Variants in CES5A observed in about 807,000 individuals in gnomAD.
The protein encoded by CES5A is carboxylesterase 5A.
In CES5A, 67 loss-of-function variants were observed where a neutral mutation model predicts 62.9. The ratio of observed to expected loss-of-function variants is 1.07; its 90% CI spans 0.88 to 1.31. The LOEUF (loss-of-function observed/expected upper bound fraction) is 1.31. Among genes scored for constraint, CES5A ranks in the 50% most tolerant of loss-of-function variants. The pLI is 0.00. For synonymous variants in CES5A, 296 were observed against 280.8 expected, an observed-to-expected ratio of 1.05 and a Z score of -0.54; for missense variants, 748 against 708.5, an observed-to-expected ratio of 1.06 and a Z score of -0.63.
chr16:55,889,324 G>A (rs2033849766), intron 1 of CES5A, among the ~76,000 whole-genome samples: 2 of 152,010 alleles, frequency 1.3e-5, no homozygotes, highest in South Asian at 2.1e-4. Flanking sequence ...CACAGGTTGG[G>A]GGCTCAGTCC....
chr16:55,861,554 T>G (rs539249683), intron 6 of CES5A, 38 bp from the exon 7 acceptor site: 2 of 1,426,348 alleles, frequency 1.4e-6, no homozygotes, highest in African/African-American at 2.8e-5. Context: ...AGCATGATAT[T>G]GAAAGCATCT....
chr16:55,880,895 T>C (rs917006790), intron 1 of CES5A, among the ~76,000 whole-genome samples: 3 of 152,182 alleles, frequency 2.0e-5, no homozygotes, highest in Non-Finnish European at 2.9e-5. Context: ...CCTGGAACCA[T>C]AGTTTGACTA....
intron 1 of CES5A, among the ~76,000 whole-genome samples, chr16:55,881,548 A>G (rs2033762086): frequency 2.6e-5 from 4 of 152,226 alleles, no homozygotes; most frequent in African/African-American, 9.6e-5. Context: ...GGACCCATGA[A>G]GCAGGGACAT....
At chr16:55,911,171 C>T (rs2034088515) in intron 1 of CES5A, among the ~76,000 whole-genome samples, 1 of 152,182 alleles carries the variant, frequency 6.6e-6, no homozygotes, top group Admixed American at 6.5e-5. Context: ...TGCTCTGCCC[C>T]AGCCCCCACA....
At chr16:55,886,543 C>T (rs1180901080) in intron 1 of CES5A, among the ~76,000 whole-genome samples, 1 of 152,216 alleles carries the variant, frequency 6.6e-6, no homozygotes, top group Non-Finnish European at 1.5e-5. Context: ...GCTATGGTGG[C>T]TAAGCATGGG....
chr16:55,846,241 A>G lies in CES5A; in HGVS notation c.*210T>C. ...GGCCAGCCCTCTTCCAAATTTATTG[A>G]AGAAATCTTGTTGCCTTCCAAGACA... is the stretch of plus-strand genomic sequence containing the variant. On this transcript the variant is annotated 3_prime_UTR_variant, in exon 13 of 13. Transcript: ENST00000290567. The G allele has an allele frequency of 1.7e-6, 1 of 588,732 alleles. No homozygotes were observed. Among genetic ancestry groups the G allele is most frequent in the Non-Finnish European group, 3.0e-6 (1 of 332,526 alleles). 36.5% of individuals were successfully genotyped at this position (588,732 alleles called of 1,614,324 possible).
At chr16:55,886,569 G>A (rs373495282) in intron 1 of CES5A, among the ~76,000 whole-genome samples, 1 of 152,176 alleles carries the variant, frequency 6.6e-6, no homozygotes, top group Non-Finnish European at 1.5e-5. Flanking sequence ...ATTCACCAAG[G>A]CTGATCTTGG....
intron 2 of CES5A, among the ~76,000 whole-genome samples, chr16:55,948,472 G>A (rs2034520781): frequency 6.6e-6 from 1 of 152,118 alleles, no homozygotes; most frequent in East Asian, 1.9e-4. Flanking sequence ...GGTGGAAGGG[G>A]GGTAAAATTT....
chr16:55,855,064 C>T (rs375995624), intron 9 of CES5A, among the ~76,000 whole-genome samples: 1 of 152,196 alleles, frequency 6.6e-6, no homozygotes, highest in African/African-American at 2.4e-5. Flanking sequence ...ATTAATCCTC[C>T]AAATCCTTCT....
rs1379656074 is a variant in CES5A, at chr16:55,913,267, A to G, written c.-256+12056T>C. Among the ~76,000 whole-genome samples, 9 of 151,544 alleles carry G rather than the reference A, an allele frequency of 5.9e-5. No individual in the cohort carries two copies. In the South Asian group the frequency reaches 1.7e-3, roughly 28 times the overall value. Reference sequence around the variant, plus strand: ...CTTGCTGTCTTCTGTTCCTGGGTGCAATGGCAGAACTGGTTGAGCCAGATT... The same window carrying G: ...CTTGCTGTCTTCTGTTCCTGGGTGCGATGGCAGAACTGGTTGAGCCAGATT... On this transcript the variant is annotated intron_variant, in intron 1 of 12. Transcript: ENST00000518005.
intron 2 of CES5A, among the ~76,000 whole-genome samples, chr16:55,931,341 T>G (rs1041943930): frequency 6.6e-6 from 1 of 152,218 alleles, no homozygotes; most frequent in South Asian, 2.1e-4. Context: ...GCAAGATCCT[T>G]TAACCAAAGG....
chr16:55,901,467 A>G lies in CES5A; in HGVS notation c.-256+23856T>C, dbSNP rs201378001. The stretch of plus-strand genomic sequence containing the variant: ...ATGTTTGTTTTGTTTTTAAAGCTTC[A>G]CACTATAAAGTTAAAATAAAGCCCC... On this transcript the variant is annotated intron_variant, in intron 1 of 12. Coordinates refer to the CES5A transcript ENST00000518005. Among the ~76,000 whole-genome samples, 10 of 152,324 alleles carry G rather than the reference A, an allele frequency of 6.6e-5. No homozygotes were observed. In the East Asian group the frequency reaches 1.7e-3, roughly 26 times the overall value.
intron 5 of CES5A, among the ~76,000 whole-genome samples, chr16:55,864,297 G>A (rs1179560899): frequency 2.0e-5 from 3 of 152,168 alleles, no homozygotes; most frequent in Admixed American, 6.5e-5. Context: ...GTGCTATTCA[G>A]CAGAAGCTCT....
chr16:55,951,697 A>AG (rs1324938378), intron 1 of CES5A, among the ~76,000 whole-genome samples: 61 of 152,328 alleles, frequency 4.0e-4, no homozygotes, highest in Admixed American at 8.5e-4. Context: ...GAAAGAAAGT[A>AG]GGGGGATGGA....
chr16:55,927,674 G>A (rs374617799), upstream of CES5A, among the ~76,000 whole-genome samples: 1 of 152,150 alleles, frequency 6.6e-6, no homozygotes, highest in East Asian at 1.9e-4. Context: ...TGGTGGGAAT[G>A]ATGTAAATTA....
chr16:55,930,511 T>C (rs1310177431), intron 2 of CES5A, among the ~76,000 whole-genome samples: 7 of 152,216 alleles, frequency 4.6e-5, no homozygotes, highest in African/African-American at 1.7e-4. Flanking sequence ...TTCTGGTTTT[T>C]GCACCCCTTA....
rs373298565 is a variant in CES5A, at chr16:55,954,309, A to G, written c.42+1535T>C. ...TTAAGAAAATAACTTTTCCAGAAGC[A>G]GAATGCATTGCATGCATTGGAAGCA... On this transcript the variant is annotated intron_variant, in intron 1 of 13. Coordinates refer to the CES5A transcript ENST00000521992. Among the ~76,000 whole-genome samples, 912 of 152,342 alleles carry G rather than the reference A, an allele frequency of 6.0e-3. 7 individuals carry two copies. The highest frequency in any genetic ancestry group is 0.017 in the Middle Eastern group (5 of 294).
chr16:55,939,015 G>A (rs113328532), intron 2 of CES5A, among the ~76,000 whole-genome samples: 2,261 of 151,596 alleles, frequency 0.015, 72 homozygotes, highest in African/African-American at 0.052. Flanking sequence ...TTTCAGGAAT[G>A]GCTGGATCTA....
intron 1 of CES5A, among the ~76,000 whole-genome samples, chr16:55,902,578 C>G (rs1352986141): frequency 6.6e-6 from 1 of 152,162 alleles, no homozygotes; most frequent in Non-Finnish European, 1.5e-5. Flanking sequence ...CCTGTGAAAT[C>G]ATTGTTTATT....
Sources: gnomAD v4.1 joint callset for allele counts (sites outside exome capture counted in the v4.1 genomes callset) on GRCh38, gnomAD v4.1.1 for gene constraint, MANE v1.5 for transcripts, NCBI Gene and HGNC (gene_info 2026-07-23, HGNC 2026-07-21) for gene names.